The following SHQ1 variants were observed in gnomAD, a reference collection of about 807,000 sequenced individuals.
The protein encoded by SHQ1 is SHQ1, H/ACA ribonucleoprotein assembly factor.
SHQ1 carries 49 observed loss-of-function variants against 53.8 expected under a neutral mutation model. The observed-to-expected ratio is 0.91, with a 90% CI of 0.72 to 1.16. The LOEUF (loss-of-function observed/expected upper bound fraction) is 1.16, where lower values mean the gene tolerates loss of function less well. SHQ1 is among the 50% of genes most tolerant of loss of function. SHQ1 has a pLI of 0.00. For missense variants in SHQ1, 738 were observed against 683.1 expected (o/e 1.08, Z -0.90); for synonymous variants, 243 against 251.0 (o/e 0.97, Z 0.30).
At chr3:72,753,813 A>G (rs1305531746) in intron 10 of SHQ1, among the ~76,000 whole-genome samples, 1 of 152,208 alleles carries the variant, frequency 6.6e-6, no homozygotes, top group Non-Finnish European at 1.5e-5. Context: ...CATAATTTGC[A>G]TTTATACCCA....
At chr3:72,781,897 C>G (rs1239786698) in intron 10 of SHQ1, among the ~76,000 whole-genome samples, 3 of 152,114 alleles carry the variant, frequency 2.0e-5, no homozygotes, top group Non-Finnish European at 4.4e-5. Flanking sequence ...GGTAGAAGGT[C>G]TATTACAGTT....
chr3:72,734,733 T>C, the SHQ1 span, among the ~76,000 whole-genome samples: 2 of 151,660 alleles, frequency 1.3e-5, no homozygotes, highest in Non-Finnish European at 2.9e-5. Flanking sequence ...ACATTATGAA[T>C]ACAGTAGGTG....
At chr3:72,773,698 A>G (rs1012859836) in intron 10 of SHQ1, among the ~76,000 whole-genome samples, 1 of 152,162 alleles carries the variant, frequency 6.6e-6, no homozygotes, top group African/African-American at 2.4e-5. Context: ...AGGGATTTAT[A>G]TGAAAGGGAT....
intron 10 of SHQ1, among the ~76,000 whole-genome samples, chr3:72,751,529 T>TATATATATATATATATATATAC (rs1491584090): frequency 1.4e-5 from 2 of 138,024 alleles, no homozygotes; most frequent in African/African-American, 2.9e-5. Flanking sequence ...TATATATATA[T>TATATATATATATATATATATAC]ACATATACAT....
At chr3:72,846,389 G>A (rs1329816225) in intron 1 of SHQ1, 71 of 1,297,334 alleles carry the variant, frequency 5.5e-5, no homozygotes, top group Non-Finnish European at 6.5e-5. Context: ...TCGCCCCCCA[G>A]GTTCAAGCGA....
chr3:72,792,159 T>C (rs1173163416), intron 10 of SHQ1, among the ~76,000 whole-genome samples: 1 of 152,154 alleles, frequency 6.6e-6, no homozygotes, highest in Non-Finnish European at 1.5e-5. Flanking sequence ...CTCATCTGGA[T>C]TCAACTGATG....
At chr3:72,765,555 A>ATTTTTTTTTTTTTT (rs1171352955) in intron 10 of SHQ1, among the ~76,000 whole-genome samples, 1 of 71,768 alleles carries the variant, frequency 1.4e-5, no homozygotes. Context: ...ATATATATAT[A>ATTTTTTTTTTTTTT]TATTTTTTTT....
chr3:72,772,268 G>A (rs1321081297), intron 10 of SHQ1, among the ~76,000 whole-genome samples: 1 of 152,008 alleles, frequency 6.6e-6, no homozygotes, highest in Non-Finnish European at 1.5e-5. Context: ...GGGAAATAGT[G>A]AGTTCATCTA....
chr3:72,781,019 G>C (rs181106343), intron 10 of SHQ1, among the ~76,000 whole-genome samples: 208 of 150,486 alleles, frequency 1.4e-3, no homozygotes, highest in Middle Eastern at 3.5e-3. Flanking sequence ...AAAGTAAAAA[G>C]TATGGTGGTG....
At chr3:72,823,093 A>G (rs1707530681) in intron 6 of SHQ1, among the ~76,000 whole-genome samples, 1 of 150,938 alleles carries the variant, frequency 6.6e-6, no homozygotes, top group Non-Finnish European at 1.5e-5. Context: ...AGCTTGCAGT[A>G]AGCCGACATT....
intron 10 of SHQ1, among the ~76,000 whole-genome samples, chr3:72,778,014 T>C (rs536754447): frequency 2.9e-4 from 44 of 152,278 alleles, no homozygotes; most frequent in African/African-American, 1.1e-3. Context: ...AAAACTAAAC[T>C]TGAGATATAT....
chr3:72,782,459 G>A (rs562083617), intron 10 of SHQ1, among the ~76,000 whole-genome samples: 11 of 152,140 alleles, frequency 7.2e-5, no homozygotes, highest in Non-Finnish European at 8.8e-5. Context: ...CATGCCCAAA[G>A]ATATGTTCCA....
chr3:72,729,246 G>A, the SHQ1 span, among the ~76,000 whole-genome samples: 7 of 152,170 alleles, frequency 4.6e-5, no homozygotes, highest in African/African-American at 1.7e-4. Flanking sequence ...GCCACCCCAG[G>A]CTTTCCTCAC....
chr3:72,847,126 T>C (rs920145634), intron 1 of SHQ1, among the ~76,000 whole-genome samples: 16 of 152,200 alleles, frequency 1.1e-4, no homozygotes, highest in African/African-American at 2.9e-4. Flanking sequence ...AGCACAATAA[T>C]ACCAACACTG....
intron 9 of SHQ1, among the ~76,000 whole-genome samples, chr3:72,805,336 T>G (rs1706907361): frequency 6.6e-6 from 1 of 152,212 alleles, no homozygotes; most frequent in Admixed American, 6.5e-5. Context: ...ATTCACTTCA[T>G]CAAGGCCTCA....
In SHQ1 at chr3:72,807,554, G is replaced by A. The variant is rs78356124; in HGVS notation, c.1060+5117C>T. 5.6e-3 allele frequency among the ~76,000 whole-genome samples: 846 copies of A among 152,228 alleles called. 5 individuals are homozygous for A. Among genetic ancestry groups the A allele is most frequent in the African/African-American group, 0.019 (794 of 41,554 alleles). On this transcript the variant is annotated intron_variant, in intron 9 of 10. Transcript: ENST00000325599. ...GCAGTGATTTCATCTTTTAGTTTTC[G>A]AGTTTGCAATATCTCCTCTACAATT...
chr3:72,737,547 A>G, the SHQ1 span, among the ~76,000 whole-genome samples: 1 of 152,220 alleles, frequency 6.6e-6, no homozygotes, highest in Non-Finnish European at 1.5e-5. Flanking sequence ...CCCCCAGGAT[A>G]CCAAAATTTG....
chr3:72,844,661 G>A (rs1708277268), intron 1 of SHQ1, among the ~76,000 whole-genome samples: 1 of 152,086 alleles, frequency 6.6e-6, no homozygotes, highest in African/African-American at 2.4e-5. Context: ...AATAGATACT[G>A]AAAAAGAAAA....
chr3:72,758,728 C>A lies in SHQ1; in HGVS notation c.1182-7892G>T, dbSNP rs544872478. Among the ~76,000 whole-genome samples, 3 of 152,160 alleles carry A rather than the reference C, an allele frequency of 2.0e-5. No individual in the cohort carries two copies. In the East Asian group the frequency reaches 5.8e-4, roughly 29 times the overall value. ...GGGATTACAGGCACTCACCACCACG[C>A]CCGGCTAATTTTTGTATTTTGGTAG... On this transcript the variant is annotated intron_variant, in intron 10 of 10. Coordinates refer to ENST00000325599, the MANE Select transcript of SHQ1 (RefSeq NM_018130.3).
Sources: gnomAD v4.1 joint callset for allele counts (sites outside exome capture counted in the v4.1 genomes callset) on GRCh38, gnomAD v4.1.1 for gene constraint, MANE v1.5 for transcripts, NCBI Gene and HGNC (gene_info 2026-07-23, HGNC 2026-07-21) for gene names.